The following SNX33 variants were observed in gnomAD, a reference collection of about 807,000 sequenced individuals.
The protein encoded by SNX33 is sorting nexin 33, also known as sorting nexin-33.
SNX33 carries 19 observed loss-of-function variants against 38.8 expected under a neutral mutation model. That is an observed-to-expected ratio of 0.49 (90% CI 0.34 to 0.72). SNX33 has a LOEUF of 0.72. Among genes scored for constraint, SNX33 ranks in the 30% least tolerant of loss-of-function variants. SNX33 has a pLI of 0.01. For missense variants in SNX33, 641 were observed against 776.4 expected (o/e 0.83, Z 2.07); for synonymous variants, 246 against 289.7 (o/e 0.85, Z 1.53).
chr15:75,652,405 C>T (rs985802727), intron 1 of SNX33, among the ~76,000 whole-genome samples: 7 of 152,188 alleles, frequency 4.6e-5, no homozygotes, highest in African/African-American at 1.7e-4. Context: ...CCTGTGCAGG[C>T]AGCAGGAGGG....
At chr15:75,655,810 C>A (rs1893646415) in intron 1 of SNX33, among the ~76,000 whole-genome samples, 1 of 152,182 alleles carries the variant, frequency 6.6e-6, no homozygotes, top group South Asian at 2.1e-4. Context: ...CAGGGGTGTG[C>A]TGTCCTCTAT....
At chr15:75,653,432 G>A (rs1333650530) in intron 1 of SNX33, among the ~76,000 whole-genome samples, 1 of 152,204 alleles carries the variant, frequency 6.6e-6, no homozygotes, top group African/African-American at 2.4e-5. Context: ...AGCAAGAGCG[G>A]GGCTGGTCCT....
chr15:75,657,049 G>T lies in SNX33; in HGVS notation c.1559G>T (p.Cys520Phe). 2 of 1,614,174 alleles carry T rather than the reference G, an allele frequency of 1.2e-6. No homozygotes were observed. The highest frequency in any genetic ancestry group is 1.7e-6 in the Non-Finnish European group (2 of 1,180,018). ...QDEADGIRRR[C>F]RVVGFALQAE... ...GAGGCAGACGGCATTCGCAGGCGCT[G>T]CCGCGTGGTGGGTTTCGCCCTGCAG... Residue 520 changes from cysteine (C) to phenylalanine (F), a missense_variant, in exon 2 of 2, where the codon TGC (cysteine) becomes TTC (phenylalanine). Cys to Phe is a radical substitution (Grantham distance 205). Transcript: ENST00000308527. The surrounding 1 kb of genome is among the most constrained non-coding windows in gnomAD (Gnocchi z 5.5).
rs1219567173 is a variant in SNX33, at chr15:75,658,811, G to A, written c.*1596G>A. ...GCTGGTGGAAGGTGCCAGCAGGCAG[G>A]AGGAGCTAGAGGCGGCTGTGGACCC... On this transcript the variant is annotated 3_prime_UTR_variant, in exon 2 of 2. Transcript: ENST00000308527. This position sits in a 1 kb window ranked among gnomAD's most constrained non-coding sequence, Gnocchi z 4.1. 1.3e-5 allele frequency: 2 copies of A among 152,226 alleles called. No homozygotes were observed. The highest frequency in any genetic ancestry group is 4.8e-5 in the African/African-American group (2 of 41,418). The allele number at this position is 152,226 out of a possible 1,614,324, so 9.4% of individuals were successfully genotyped here.
chr15:75,651,158 C>T (rs1388070079), intron 1 of SNX33, among the ~76,000 whole-genome samples: 3 of 152,228 alleles, frequency 2.0e-5, no homozygotes, highest in Non-Finnish European at 4.4e-5. Context: ...AACAAGAGCT[C>T]AGAGTGGGGG....
Position 75,650,497 on chromosome 15 carries a change from CT to C in SNX33, c.1397del (p.Phe466SerfsTer31). 6.2e-7 allele frequency: 1 copy of C among 1,614,080 alleles called. No individual in the cohort carries two copies. The highest frequency in any genetic ancestry group is 8.5e-7 in the Non-Finnish European group (1 of 1,180,010). On this transcript the variant is annotated frameshift_variant, in exon 1 of 2. Coordinates refer to ENST00000308527, the MANE Select transcript of SNX33 (RefSeq NM_153271.2). LOFTEE classifies it high-confidence loss of function. This position sits in a 1 kb window ranked among gnomAD's most constrained non-coding sequence, Gnocchi z 6.1. The part of the protein sequence containing the change: ...MFAEQPKNDL[F>X]QMLDTLSLYQ... Reference sequence around the variant, plus strand: ...TTGCTGAGCAGCCCAAGAATGACCTCTTCCAGATGCTGGACACACTGTCTCT... The same window carrying C: ...TTGCTGAGCAGCCCAAGAATGACCTCTCCAGATGCTGGACACACTGTCTCT...
intron 1 of SNX33, among the ~76,000 whole-genome samples, chr15:75,653,030 T>G (rs1225766328): frequency 6.6e-6 from 1 of 151,962 alleles, no homozygotes; most frequent in Non-Finnish European, 1.5e-5. Context: ...AGACCAGGAT[T>G]TGGACAAACT....
At position 75,660,538 on chromosome 15, in the gene SNX33, G is replaced by A. The variant is rs73439293; in HGVS notation, c.*3323G>A. On this transcript the variant is annotated 3_prime_UTR_variant, in exon 2 of 2. Transcript: ENST00000308527. ...GCCCACAGGCACATACGCCACATAA[G>A]CATGCCTGTATGCTCACACAGTCAT... The A allele has an allele frequency of 0.034, 5,159 of 152,862 alleles. 313 individuals carry two copies. Among genetic ancestry groups the A allele is most frequent in the African/African-American group, 0.12 (4,848 of 41,536 alleles). The allele number at this position is 152,862 out of a possible 1,614,324, so 9.5% of individuals were successfully genotyped here.
chr15:75,657,612 T>G lies in SNX33; in HGVS notation c.*397T>G. The G allele has an allele frequency of 3.5e-6, 1 of 289,846 alleles. No homozygotes were observed. Among genetic ancestry groups the G allele is most frequent in the South Asian group, 4.2e-5 (1 of 23,898 alleles). The allele number at this position is 289,846 out of a possible 1,614,324, so 18.0% of individuals were successfully genotyped here. ...GGGTCGGATGCTGGGCACCCAGGGC[T>G]GTGACATGCCTGCTCTTCAGGAGTC... On this transcript the variant is annotated 3_prime_UTR_variant, in exon 2 of 2. Coordinates refer to ENST00000308527, the MANE Select transcript of SNX33 (RefSeq NM_153271.2). The surrounding 1 kb of genome is among the most constrained non-coding windows in gnomAD (Gnocchi z 5.5).
intron 1 of SNX33, among the ~76,000 whole-genome samples, chr15:75,652,851 T>C (rs1327731194): frequency 6.6e-6 from 1 of 151,394 alleles, no homozygotes. Context: ...CCAATGGGAG[T>C]GATAAGGAGG....
rs1229710365 is a variant in SNX33 at position 75,650,506 on chromosome 15, G to A, written c.1404G>A (p.Met468Ile). The A allele has an allele frequency of 2.5e-6, 4 of 1,613,794 alleles. No homozygotes were observed. The Admixed American group carries it at 5.0e-5, about 20-fold the overall frequency. ...AGCCCAAGAATGACCTCTTCCAGAT[G>A]CTGGACACACTGTCTCTCTACCAGG... ...AEQPKNDLFQ[M>I]LDTLSLYQGL... Residue 468 changes from methionine to isoleucine, a missense_variant, in exon 1 of 2, where the codon ATG becomes ATA. Around this residue, in one of 2 missense-constraint regions of SNX33, gnomAD observed 398 missense variants for 542.5 expected, o/e 0.73. Transcript: ENST00000308527. The surrounding 1 kb of genome is among the most constrained non-coding windows in gnomAD (Gnocchi z 6.1).
rs1893666441 is a variant in SNX33 at position 75,657,311 on chromosome 15, G to A, written c.*96G>A. On this transcript the variant is annotated 3_prime_UTR_variant, in exon 2 of 2. Coordinates refer to ENST00000308527, the MANE Select transcript of SNX33 (RefSeq NM_153271.2). This position sits in a 1 kb window ranked among gnomAD's most constrained non-coding sequence, Gnocchi z 5.5. ...CTATACCAGCAGTGACTGGGGGAGG[G>A]GTCAGCGGTGGGGGAGATAAGCGGC... 19 of 1,558,382 alleles carry A rather than the reference G, an allele frequency of 1.2e-5. No individual in the cohort carries two copies. In the East Asian group the frequency reaches 2.0e-4, roughly 17 times the overall value.
At chr15:75,654,920 A>T (rs1042043032) in intron 1 of SNX33, among the ~76,000 whole-genome samples, 6 of 152,192 alleles carry the variant, frequency 3.9e-5, no homozygotes, top group Non-Finnish European at 7.3e-5. Context: ...TGGACAGGAA[A>T]AGTCTATAGA....
intron 1 of SNX33, among the ~76,000 whole-genome samples, chr15:75,654,551 C>A (rs1893629104): frequency 6.6e-6 from 1 of 152,224 alleles, no homozygotes. Flanking sequence ...CTCCTTTCTG[C>A]ATTTTTGGGA....
chr15:75,649,644 G>A lies in SNX33; in HGVS notation c.542G>A (p.Arg181His), dbSNP rs747741043. ...GCCAAGCGAGGCAGTGTGGTGGGCC[G>A]TAACCTCAACCGTTTCTCATGCTTT... ...ASAKRGSVVG[R>H]NLNRFSCFVR... The change falls in exon 1 of 2, where the codon CGT becomes CAT. Residue 181 changes from arginine (R) to histidine (H), a missense_variant. Physicochemically the swap from Arg to His is conservative, Grantham distance 29. Coordinates refer to ENST00000308527, the MANE Select transcript of SNX33 (RefSeq NM_153271.2). This position sits in a 1 kb window ranked among gnomAD's most constrained non-coding sequence, Gnocchi z 6.6. The A allele has an allele frequency of 1.9e-6, 3 of 1,606,648 alleles. No individual in the cohort carries two copies. Among genetic ancestry groups the A allele is most frequent in the Non-Finnish European group, 2.6e-6 (3 of 1,176,098 alleles).
In SNX33 at chr15:75,648,325, G is replaced by A. The variant is rs1041503712; in HGVS notation, c.-778G>A. On this transcript the variant is annotated 5_prime_UTR_variant, in exon 1 of 2. Transcript: ENST00000308527. The surrounding 1 kb of genome is among the most constrained non-coding windows in gnomAD (Gnocchi z 4.4). ...GCCCCCTCCTTCCTCCGGGGTTGGGGCTGGCCACTTCTGGGGCGGGGAGAG... is the reference window on the plus strand; with the variant it reads ...GCCCCCTCCTTCCTCCGGGGTTGGGACTGGCCACTTCTGGGGCGGGGAGAG... 1.0e-6 allele frequency: 1 copy of A among 985,378 alleles called. No homozygotes were observed. Among genetic ancestry groups the A allele is most frequent in the Non-Finnish European group, 1.2e-6 (1 of 829,936 alleles). 61.0% of individuals were successfully genotyped at this position (985,378 alleles called of 1,614,324 possible).
intron 1 of SNX33, among the ~76,000 whole-genome samples, chr15:75,653,213 C>G (rs866911365): frequency 6.6e-6 from 1 of 152,192 alleles, no homozygotes; most frequent in East Asian, 1.9e-4. Flanking sequence ...GGGACATAAA[C>G]CCTGGCTGGA....
At chr15:75,654,848 G>T (rs1012557092) in intron 1 of SNX33, among the ~76,000 whole-genome samples, 8 of 152,158 alleles carry the variant, frequency 5.3e-5, no homozygotes, top group African/African-American at 1.7e-4. Flanking sequence ...CATTGCAATG[G>T]GTTCATTCTT....
Position 75,650,694 on chromosome 15 carries a change from C to A in SNX33, c.1471+121C>A. On this transcript the variant is annotated intron_variant, in intron 1 of 1. Transcript: ENST00000308527. The surrounding 1 kb of genome is among the most constrained non-coding windows in gnomAD (Gnocchi z 6.1). Reference sequence around the variant, plus strand: ...TCTTTATTTCTCTGTCTCAATCATTCATTTAACAAATGTGTTGGGCTGGGC... The same window carrying A: ...TCTTTATTTCTCTGTCTCAATCATTAATTTAACAAATGTGTTGGGCTGGGC... The A allele has an allele frequency of 2.3e-6, 3 of 1,328,142 alleles. No homozygotes were observed. Among genetic ancestry groups the A allele is most frequent in the South Asian group, 1.6e-5 (1 of 62,236 alleles). The allele number at this position is 1,328,142 out of a possible 1,614,324, so 82.3% of individuals were successfully genotyped here.
Sources: gnomAD v4.1 joint callset for allele counts (sites outside exome capture counted in the v4.1 genomes callset) on GRCh38, gnomAD v4.1.1 for gene constraint, gnomAD v4.1.1 regional missense constraint, Gnocchi (gnomAD v3.1) non-coding constraint, MANE v1.5 for transcripts, NCBI Gene and HGNC (gene_info 2026-07-23, HGNC 2026-07-21) for gene names.